Variants in ABCC5 observed in about 807,000 individuals in gnomAD.
ABCC5 encodes ATP binding cassette subfamily C member 5.
Under a neutral mutation model 160.9 loss-of-function variants are expected in ABCC5, and 61 were observed. The ratio of observed to expected loss-of-function variants is 0.38; its 90% CI spans 0.31 to 0.47. The LOEUF (loss-of-function observed/expected upper bound fraction) is 0.47, where lower values mean the gene tolerates loss of function less well. Ranked by LOEUF, ABCC5 falls within the 20% of genes least tolerant of loss-of-function variation. The probability of loss-of-function intolerance (pLI) is 0.99; values close to 1 mark genes in which losing one functional copy is unlikely to be tolerated. For synonymous variants in ABCC5, 666 were observed against 700.6 expected, an observed-to-expected ratio of 0.95 and a Z score of 0.78; for missense variants, 1,308 against 1,813.3, an observed-to-expected ratio of 0.72 and a Z score of 5.06.
intron 2 of ABCC5, among the ~76,000 whole-genome samples, chr3:183,993,724 G>A (rs1719987975): frequency 6.6e-6 from 1 of 151,998 alleles, no homozygotes; most frequent in East Asian, 1.9e-4. Flanking sequence ...ATTTCTATGT[G>A]GCAAAATATA....
intron 29 of ABCC5, 85 bp downstream of exon 29, chr3:183,925,470 T>C (rs1712443445): frequency 6.8e-7 from 1 of 1,470,124 alleles, no homozygotes; most frequent in African/African-American, 1.4e-5. Flanking sequence ...CCCAGAACCC[T>C]ACAAAGATGG....
intron 15 of ABCC5, among the ~76,000 whole-genome samples, chr3:183,961,981 C>T (rs971120597): frequency 3.9e-5 from 6 of 152,148 alleles, no homozygotes; most frequent in African/African-American, 9.6e-5. Context: ...GGGGTTTTGC[C>T]GTACAGGTAA....
At chr3:183,971,105 C>T (rs1717696739) in intron 11 of ABCC5, among the ~76,000 whole-genome samples, 1 of 152,180 alleles carries the variant, frequency 6.6e-6, no homozygotes, top group South Asian at 2.1e-4. Flanking sequence ...GCTGTGACAT[C>T]ATCTACCGTT....
At chr3:183,994,993 G>A (rs1399760746) in intron 2 of ABCC5, among the ~76,000 whole-genome samples, 1 of 151,298 alleles carries the variant, frequency 6.6e-6, no homozygotes, top group Non-Finnish European at 1.5e-5. Context: ...CTGGGACTAC[G>A]GGCACGTGCT....
rs376189853 is a variant in ABCC5 at position 183,956,927 on chromosome 3, A to C, written c.2482+2806T>G. Among the ~76,000 whole-genome samples, 126 of 69,100 alleles carry C rather than the reference A, an allele frequency of 1.8e-3. 2 individuals are homozygous for C. The highest frequency in any genetic ancestry group is 0.011 in the East Asian group (23 of 2,022). 45.3% of individuals were successfully genotyped at this position (69,100 alleles called of 152,430 possible). A position where few individuals can be genotyped will look rare whatever the true frequency, so the allele number is the denominator to read the frequency against. On this transcript the variant is annotated intron_variant, in intron 17 of 29. Transcript: ENST00000334444. ...TAGGTTACATGCAGATCCGTGTGTAAATCACATCGGTTACATGCGGATCCG... is the reference window on the plus strand; with the variant it reads ...TAGGTTACATGCAGATCCGTGTGTACATCACATCGGTTACATGCGGATCCG...
At chr3:183,990,025 G>A (rs965808884) in intron 2 of ABCC5, among the ~76,000 whole-genome samples, 4 of 151,992 alleles carry the variant, frequency 2.6e-5, no homozygotes, top group South Asian at 2.1e-4. Flanking sequence ...GGCTGGTTTC[G>A]AACTCCTGAC....
chr3:184,006,363 T>G (rs1340797851), intron 2 of ABCC5: 1 of 150,492 alleles, frequency 6.6e-6, no homozygotes, highest in South Asian at 2.1e-4. Context: ...GAAAATCTGC[T>G]GAGTCACCGA....
rs1168911989 is a variant in ABCC5, at chr3:183,982,127, A to C, written c.1000-253T>G. Among the ~76,000 whole-genome samples the C allele has an allele frequency of 8.5e-5, 13 of 152,146 alleles. No individual in the cohort carries two copies. The highest frequency in any genetic ancestry group is 1.9e-4 in the Non-Finnish European group (13 of 68,022). On this transcript the variant is annotated intron_variant, in intron 7 of 29. Transcript: ENST00000334444. The surrounding 1 kb of genome is among the most constrained non-coding windows in gnomAD (Gnocchi z 5.2). ...TTCTCAATAGTGACCACAGAGACTG[A>C]GTGCTTCCAAAGGGGAGGCAGGAGG... is the stretch of plus-strand genomic sequence containing the variant.
At chr3:184,008,002 A>G (rs1390522644) in intron 2 of ABCC5, among the ~76,000 whole-genome samples, 1 of 152,168 alleles carries the variant, frequency 6.6e-6, no homozygotes, top group Non-Finnish European at 1.5e-5. Flanking sequence ...AATTCTATCC[A>G]TTCCTCAAGT....
In ABCC5 at chr3:183,951,983, C is replaced by T. The variant is rs374798639; in HGVS notation, c.2688G>A (p.Gly896=). 46 of 1,611,844 alleles carry T rather than the reference C, an allele frequency of 2.9e-5. No homozygotes were observed. The highest frequency in any genetic ancestry group is 5.0e-5 in the Admixed American group (3 of 59,956). Residue 896 remains glycine (G), a synonymous_variant, in exon 19 of 30, where the codon GGG becomes GGA. Transcript: ENST00000334444. This position sits in a 1 kb window ranked among gnomAD's most constrained non-coding sequence, Gnocchi z 4.7. ...TGCTGTCACTCACCGAGGTCTCGTT[C>T]CCTCGAGTCACAGTGGTGTTCTGTT... is the stretch of plus-strand genomic sequence containing the variant. ...QGSGNTTVTR[G]NETSVSDSMK...
At chr3:183,936,678 T>C (rs990816294) in intron 26 of ABCC5, among the ~76,000 whole-genome samples, 1 of 152,130 alleles carries the variant, frequency 6.6e-6, no homozygotes. Flanking sequence ...CGGCTAATTT[T>C]TTGTATTTTT....
At chr3:183,985,469 G>C (rs1230319457) in intron 5 of ABCC5, 6 of 1,105,578 alleles carry the variant, frequency 5.4e-6, no homozygotes, top group Non-Finnish European at 8.4e-6. Context: ...CAGGTGGAGA[G>C]AGGTTGGAAG....
intron 5 of ABCC5, chr3:183,985,097 T>G: frequency 1.5e-6 from 1 of 659,096 alleles, no homozygotes; most frequent in African/African-American, 1.8e-5. Context: ...TTCCAACACA[T>G]CGGGTTTTTA....
At chr3:183,962,536 T>C (rs980107606) in intron 15 of ABCC5, among the ~76,000 whole-genome samples, 2 of 150,920 alleles carry the variant, frequency 1.3e-5, no homozygotes, top group Non-Finnish European at 3.0e-5. Context: ...TTTTTTCTTT[T>C]TTTTTTTTTT....
At chr3:183,966,257 C>T (rs1281996986) in intron 12 of ABCC5, among the ~76,000 whole-genome samples, 1 of 152,196 alleles carries the variant, frequency 6.6e-6, no homozygotes, top group East Asian at 1.9e-4. Flanking sequence ...ACAGCGTGTA[C>T]ACACACAGGT....
chr3:183,957,363 G>T (rs1214550994), intron 17 of ABCC5, among the ~76,000 whole-genome samples: 3 of 121,948 alleles, frequency 2.5e-5, no homozygotes, highest in Admixed American at 8.7e-5. Context: ...GTTACATGCG[G>T]GTCCGTGTGT....
At chr3:183,961,692 G>T in intron 15 of ABCC5, 38 bp from the exon 16 acceptor site, 1 of 1,611,056 alleles carries the variant, frequency 6.2e-7, no homozygotes, top group Non-Finnish European at 8.5e-7. Context: ...TATGCTGTTT[G>T]TGCAAATACA....
At chr3:183,957,055 C>T (rs372306676) in intron 17 of ABCC5, among the ~76,000 whole-genome samples, 10 of 81,894 alleles carry the variant, frequency 1.2e-4, no homozygotes, top group East Asian at 4.1e-4. Context: ...TCCGTGTGTA[C>T]ATCACATCGG....
chr3:183,925,002 G>A (rs1712386755), intron 29 of ABCC5, among the ~76,000 whole-genome samples: 1 of 152,224 alleles, frequency 6.6e-6, no homozygotes, highest in Admixed American at 6.5e-5. Flanking sequence ...AACCGCACCT[G>A]CAAAGGAAGA....
Sources: gnomAD v4.1 joint callset for allele counts (sites outside exome capture counted in the v4.1 genomes callset) on GRCh38, gnomAD v4.1.1 for gene constraint, Gnocchi (gnomAD v3.1) non-coding constraint, MANE v1.5 for transcripts, NCBI Gene and HGNC (gene_info 2026-07-23, HGNC 2026-07-21) for gene names.